The following CHL1 variants were observed in gnomAD, a reference collection of about 807,000 sequenced individuals.
The protein encoded by CHL1 is neural cell adhesion molecule L1-like protein.
Under a neutral mutation model 141.9 loss-of-function variants are expected in CHL1, and 96 were observed. The observed-to-expected ratio is 0.68, with a 90% CI of 0.57 to 0.80. CHL1 has a LOEUF of 0.80. CHL1 is among the 30% of genes least tolerant of loss of function. CHL1 has a pLI of 0.00. For missense variants in CHL1, 1,820 were observed against 1,457.2 expected (o/e 1.25, Z -4.05); for synonymous variants, 613 against 502.2 (o/e 1.22, Z -2.95).
Position 340,824 on chromosome 3 carries a change from A to T in CHL1, c.416A>T (p.Asp139Val). The T allele has an allele frequency of 6.2e-7, 1 of 1,611,222 alleles. No individual in the cohort carries two copies. Among genetic ancestry groups the T allele is most frequent in the Non-Finnish European group, 8.5e-7 (1 of 1,178,150 alleles). ...SVPKFPKEKI[D>V]PLEVEEGDPI... ...CCAAAATTCCCAAAAGAAAAAATTG[A>T]CCCTCTTGAAGTGGAGGAGGGAGAT... The change falls in exon 6 of 28, where the codon GAC (aspartate) becomes GTC (valine). Residue 139 changes from aspartate to valine, a missense_variant. Physicochemically the swap from Asp to Val is radical, Grantham distance 152. Transcript: ENST00000256509.
intron 13 of CHL1, among the ~76,000 whole-genome samples, chr3:362,028 G>A (rs1401609637): frequency 6.6e-6 from 1 of 152,160 alleles, no homozygotes; most frequent in Non-Finnish European, 1.5e-5. Context: ...CATACAGAGA[G>A]CCACTTGTGT....
intron 2 of CHL1, among the ~76,000 whole-genome samples, chr3:287,804 C>T (rs1177902934): frequency 6.6e-6 from 1 of 151,510 alleles, no homozygotes; most frequent in Non-Finnish European, 1.5e-5. Context: ...CTCACTCTAT[C>T]ATCCAGGGTG....
intron 2 of CHL1, among the ~76,000 whole-genome samples, chr3:251,278 AG>A (rs1693671500): frequency 6.6e-6 from 1 of 152,146 alleles, no homozygotes; most frequent in Non-Finnish European, 1.5e-5. Context: ...TCCACCTCTC[AG>A]GCAGAGGACA....
intron 2 of CHL1, among the ~76,000 whole-genome samples, chr3:316,574 A>G (rs1299841084): frequency 6.6e-6 from 1 of 151,994 alleles, no homozygotes; most frequent in African/African-American, 2.4e-5. Flanking sequence ...CTGAGTTGAT[A>G]TCATTAATAT....
At chr3:263,188 C>A (rs1187186441) in intron 2 of CHL1, among the ~76,000 whole-genome samples, 1 of 152,178 alleles carries the variant, frequency 6.6e-6, no homozygotes, top group Non-Finnish European at 1.5e-5. Flanking sequence ...TCATTGACCC[C>A]AACTTCTGTC....
chr3:288,319 G>A (rs1226738749), intron 2 of CHL1, among the ~76,000 whole-genome samples: 3 of 149,706 alleles, frequency 2.0e-5, no homozygotes, highest in Non-Finnish European at 4.4e-5. Context: ...GCAAATTTTA[G>A]GTGACAAACA....
At chr3:248,913 C>G (rs1204568746) in intron 2 of CHL1, among the ~76,000 whole-genome samples, 1 of 152,154 alleles carries the variant, frequency 6.6e-6, no homozygotes, top group Non-Finnish European at 1.5e-5. Context: ...ACAGACTGCA[C>G]ATATAAAATG....
chr3:382,027 C>A, intron 16 of CHL1, 152 bp from the exon 17 acceptor site: 1 of 487,684 alleles, frequency 2.1e-6, no homozygotes, highest in Non-Finnish European at 3.7e-6. Context: ...TCCACCTTTC[C>A]CTTCCATATG....
intron 5 of CHL1, among the ~76,000 whole-genome samples, chr3:336,994 G>A (rs1229483545): frequency 6.6e-6 from 1 of 152,066 alleles, no homozygotes; most frequent in African/African-American, 2.4e-5. Context: ...TATACCCTTG[G>A]TGTTAGTTGT....
At chr3:229,749 G>A (rs1701693447) in intron 1 of CHL1, among the ~76,000 whole-genome samples, 2 of 151,962 alleles carry the variant, frequency 1.3e-5, no homozygotes, top group Non-Finnish European at 2.9e-5. Flanking sequence ...CTTTTACATG[G>A]TTTTGAAAAA....
At chr3:198,180 AGGCCGG>A in intron 1 of CHL1, 8 of 181,890 alleles carry the variant, frequency 4.4e-5, no homozygotes, top group South Asian at 9.4e-5. Context: ...AAGGGGTGGG[AGGCCGG>A]CGGCGGAGGG....
chr3:365,473 A>T (rs1196247345), intron 14 of CHL1, among the ~76,000 whole-genome samples: 2 of 152,182 alleles, frequency 1.3e-5, no homozygotes, highest in Non-Finnish European at 2.9e-5. Context: ...TACTTCCCTG[A>T]GGCTTGCTTT....
At chr3:332,684 G>C (rs1462835652) in intron 5 of CHL1, among the ~76,000 whole-genome samples, 1 of 152,156 alleles carries the variant, frequency 6.6e-6, no homozygotes, top group Non-Finnish European at 1.5e-5. Flanking sequence ...CAGGAGTTTG[G>C]ATTTGAATTG....
chr3:323,552 A>T (rs913923357), intron 3 of CHL1, among the ~76,000 whole-genome samples: 10 of 152,120 alleles, frequency 6.6e-5, no homozygotes, highest in African/African-American at 1.9e-4. Context: ...ATGAATGTTT[A>T]AAAAACTACA....
intron 5 of CHL1, among the ~76,000 whole-genome samples, chr3:331,825 T>C (rs1157540967): frequency 6.6e-6 from 1 of 152,102 alleles, no homozygotes; most frequent in Non-Finnish European, 1.5e-5. Flanking sequence ...AATGTGAAAA[T>C]GTGTTCAACC....
At chr3:257,539 G>A (rs575628608) in intron 2 of CHL1, among the ~76,000 whole-genome samples, 1 of 152,108 alleles carries the variant, frequency 6.6e-6, no homozygotes, top group African/African-American at 2.4e-5. Flanking sequence ...TTTTAGTAGA[G>A]ATGGGGTTTC....
intron 15 of CHL1, among the ~76,000 whole-genome samples, chr3:372,802 G>C (rs1198628586): frequency 6.6e-6 from 1 of 150,924 alleles, no homozygotes; most frequent in Non-Finnish European, 1.5e-5. Context: ...TGTTGATGCT[G>C]TTGTTGTTGC....
At chr3:398,893 G>A in intron 25 of CHL1, 124 bp from the exon 26 acceptor site, 1 of 790,394 alleles carries the variant, frequency 1.3e-6, no homozygotes, top group Admixed American at 2.2e-5. Flanking sequence ...CATTCCTTCT[G>A]GGGTCATTAA....
At chr3:197,854 G>A in intron 1 of CHL1, 1 of 443,252 alleles carries the variant, frequency 2.3e-6, no homozygotes, top group South Asian at 1.6e-5. Context: ...TCCTCTTTGT[G>A]CCTCTCTCTT....
Sources: allele counts gnomAD v4.1 joint callset (sites outside exome capture counted in the v4.1 genomes callset), GRCh38; gene constraint gnomAD v4.1.1; transcripts MANE v1.5; gene names NCBI Gene and HGNC (gene_info 2026-07-23, HGNC 2026-07-21).